The following AADACL3 variants were observed in gnomAD, a reference collection of about 807,000 sequenced individuals.
AADACL3 encodes arylacetamide deacetylase like 3.
Under a neutral mutation model 13.6 loss-of-function variants are expected in AADACL3, and 13 were observed. That is an observed-to-expected ratio of 0.95 (90% CI 0.62 to 1.52). The LOEUF is 1.52. AADACL3 is among the 40% of genes most tolerant of loss of function. The probability of loss-of-function intolerance (pLI) is 0.00; values close to 1 mark genes in which losing one functional copy is unlikely to be tolerated. For synonymous variants in AADACL3, 195 were observed against 197.0 expected (o/e 0.99, Z 0.08); for missense variants, 519 against 499.2 (o/e 1.04, Z -0.38).
At chr1:12,724,749 G>A (rs1336472177) in intron 3 of AADACL3, among the ~76,000 whole-genome samples, 2 of 152,192 alleles carry the variant, frequency 1.3e-5, no homozygotes, top group African/African-American at 2.4e-5. Flanking sequence ...GCCTCCCAAA[G>A]TGCTGAAATT....
At chr1:12,723,533 A>G (rs1188533205) in intron 3 of AADACL3, among the ~76,000 whole-genome samples, 1 of 152,166 alleles carries the variant, frequency 6.6e-6, no homozygotes, top group Non-Finnish European at 1.5e-5. Flanking sequence ...GCTGGAGTAC[A>G]GTGGTGCGAT....
At chr1:12,725,156 A>G (rs1204416485) in intron 3 of AADACL3, 66 bp from the exon 4 acceptor site, 47 of 1,496,968 alleles carry the variant, frequency 3.1e-5, no homozygotes, top group Non-Finnish European at 3.9e-5. Flanking sequence ...GGGCTAAAAG[A>G]TGCTAGACGC....
chr1:12,719,396 G>A, intron 1 of AADACL3, 79 bp from the exon 2 acceptor site: 2 of 1,363,992 alleles, frequency 1.5e-6, no homozygotes, highest in Non-Finnish European at 2.1e-6. Flanking sequence ...CACCTGTGGA[G>A]GGCAGGTTGT....
chr1:12,719,243 G>C (rs533007458), intron 1 of AADACL3, among the ~76,000 whole-genome samples: 1 of 152,324 alleles, frequency 6.6e-6, no homozygotes, highest in East Asian at 1.9e-4. Flanking sequence ...GGTGTCAGGA[G>C]AGTGGGTTGA....
chr1:12,716,815 G>C (rs1648446758), intron 1 of AADACL3, among the ~76,000 whole-genome samples: 1 of 152,172 alleles, frequency 6.6e-6, no homozygotes, highest in Non-Finnish European at 1.5e-5. Context: ...ATTTTCCTGA[G>C]TCTCTGGGCC....
chr1:12,719,497 G>A lies in AADACL3; in HGVS notation c.191G>A (p.Arg64Lys), dbSNP rs896528411. Residue 64 changes from arginine (R) to lysine (K), a missense_variant, in exon 2 of 4, where the codon AGA (arginine) becomes AAA (lysine). By Grantham distance (26) the Arg-to-Lys change is conservative. Coordinates refer to ENST00000359318, the MANE Select transcript of AADACL3 (RefSeq NM_001103170.3). ...CAGGGGATGATATTTGAGAAGCTCA[G>A]AATCTGTTCTATGCCCCAATTTTTC... ...LTWGMIFEKL[R>K]ICSMPQFFCF... 3.1e-6 allele frequency: 5 copies of A among 1,614,058 alleles called. No individual in the cohort carries two copies. In the African/African-American group the frequency reaches 4.0e-5, roughly 13 times the overall value.
rs1206228097 is a variant in AADACL3, at chr1:12,726,386, A to AAGGGCAT, written c.*391_*397dup. 4.5e-5 allele frequency: 9 copies of AAGGGCAT among 199,392 alleles called. No homozygotes were observed. The highest frequency in any genetic ancestry group is 2.1e-4 in the African/African-American group (9 of 42,792). The allele number at this position is 199,392 out of a possible 1,614,324, so 12.4% of individuals were successfully genotyped here. ...ATTTGACTTGACTTTGGAATAGCAC[A>AAGGGCAT]AGGGCATCATGTACTTCACGAGGCT... On this transcript the variant is annotated 3_prime_UTR_variant, in exon 4 of 4. Coordinates refer to ENST00000359318, the MANE Select transcript of AADACL3 (RefSeq NM_001103170.3).
intron 3 of AADACL3, among the ~76,000 whole-genome samples, chr1:12,722,326 GAAAAAAAAAAAA>G (rs564374343): frequency 1.4e-5 from 1 of 73,812 alleles, no homozygotes; most frequent in Non-Finnish European, 2.5e-5. Flanking sequence ...GATTCCGTCT[GAAAAAAAAAAAA>G]AAAAAAAAAA....
rs374354826 is a variant in AADACL3 at position 12,725,473 on chromosome 1, C to T, written c.701C>T (p.Ser234Leu). 14 of 1,613,852 alleles carry T rather than the reference C, an allele frequency of 8.7e-6. No homozygotes were observed. Among genetic ancestry groups the T allele is most frequent in the African/African-American group, 8.0e-5 (6 of 74,900 alleles). The change falls in exon 4 of 4, where the codon TCG becomes TTG. Residue 234 changes from serine (S) to leucine (L), a missense_variant. Physicochemically the swap from Ser to Leu is moderately radical, Grantham distance 145. Coordinates refer to ENST00000359318, the MANE Select transcript of AADACL3 (RefSeq NM_001103170.3). ...CAAGCCCTGGATTTACAAACCCCTT[C>T]GTTTCAACAGAGGAAAAACATCCCA... ...ILQALDLQTP[S>L]FQQRKNIPLL...
At chr1:12,722,264 T>TTACA (rs1367516488) in intron 3 of AADACL3, among the ~76,000 whole-genome samples, 1 of 146,916 alleles carries the variant, frequency 6.8e-6, no homozygotes, top group Non-Finnish European at 1.5e-5. Context: ...AAGGCAGAGG[T>TTACA]TACAGTGAGC....
intron 3 of AADACL3, among the ~76,000 whole-genome samples, chr1:12,724,406 G>A (rs185735155): frequency 6.6e-6 from 1 of 152,332 alleles, no homozygotes; most frequent in East Asian, 1.9e-4. Context: ...AACAGTAGTA[G>A]CCCAGGCTGG....
At chr1:12,720,823 G>T in intron 2 of AADACL3, 60 bp from the exon 3 acceptor site, 1 of 1,472,082 alleles carries the variant, frequency 6.8e-7, no homozygotes, top group Non-Finnish European at 9.4e-7. Context: ...GAAGAAGACG[G>T]TGACAATGGC....
Position 12,719,663 on chromosome 1 carries a change from C to T in AADACL3, c.357C>T (p.His119=), listed in dbSNP as rs777992875. ...TGAAGCCTGGCATCGTGTACTACCA[C>T]GGTGGCGGGGGCGTCATGGGGAGTT... is the stretch of plus-strand genomic sequence containing the variant. ...CTLKPGIVYY[H]GGGGVMGSLK... Residue 119 remains histidine (H), a synonymous_variant, in exon 2 of 4, where the codon CAC becomes CAT. Coordinates refer to ENST00000359318, the MANE Select transcript of AADACL3 (RefSeq NM_001103170.3). 38 of 1,613,982 alleles carry T rather than the reference C, an allele frequency of 2.4e-5. 1 individual carries two copies. The highest frequency in any genetic ancestry group is 2.3e-4 in the African/African-American group (17 of 74,910).
chr1:12,719,647 G>T lies in AADACL3; in HGVS notation c.341G>T (p.Gly114Val), dbSNP rs755553238. The T allele has an allele frequency of 1.1e-5, 17 of 1,614,172 alleles. No individual in the cohort carries two copies. Among genetic ancestry groups the T allele is most frequent in the Non-Finnish European group, 1.4e-5 (17 of 1,180,028 alleles). ...PKASTCTLKPGIVYYHGGGGV... is the reference protein window; with the variant it reads ...PKASTCTLKPVIVYYHGGGGV... ...GCATCCACCTGCACCCTGAAGCCTGGCATCGTGTACTACCACGGTGGCGGG... is the reference window on the plus strand; with the variant it reads ...GCATCCACCTGCACCCTGAAGCCTGTCATCGTGTACTACCACGGTGGCGGG... The change falls in exon 2 of 4, where the codon GGC (glycine) becomes GTC (valine). Residue 114 changes from glycine to valine, a missense_variant. Transcript: ENST00000359318.
chr1:12,718,029 C>T (rs1310493938), intron 1 of AADACL3, among the ~76,000 whole-genome samples: 2 of 152,066 alleles, frequency 1.3e-5, no homozygotes, highest in African/African-American at 2.4e-5. Context: ...TTTGCATTGC[C>T]TATTAGATAT....
Position 12,719,502 on chromosome 1 carries a change from T to C in AADACL3, c.196T>C (p.Cys66Arg). ...WGMIFEKLRI[C>R]SMPQFFCFMQ... ...GATGATATTTGAGAAGCTCAGAATC[T>C]GTTCTATGCCCCAATTTTTCTGTTT... The change falls in exon 2 of 4, where the codon TGT becomes CGT. Residue 66 changes from cysteine (C) to arginine (R), a missense_variant. Transcript: ENST00000359318. 6.2e-7 allele frequency: 1 copy of C among 1,614,136 alleles called. No individual in the cohort carries two copies. The highest frequency in any genetic ancestry group is 8.5e-7 in the Non-Finnish European group (1 of 1,179,958).
At chr1:12,718,565 C>T (rs560617632) in intron 1 of AADACL3, among the ~76,000 whole-genome samples, 98 of 152,130 alleles carry the variant, frequency 6.4e-4, no homozygotes, top group African/African-American at 2.3e-3. Context: ...GGCATGATCT[C>T]GGCTTACTGC....
At chr1:12,723,728 C>T (rs998311955) in intron 3 of AADACL3, among the ~76,000 whole-genome samples, 21 of 152,108 alleles carry the variant, frequency 1.4e-4, no homozygotes, top group Non-Finnish European at 2.8e-4. Context: ...ATTCATCTGC[C>T]TTGGCCTCCC....
At chr1:12,722,350 T>A (rs1159605327) in intron 3 of AADACL3, among the ~76,000 whole-genome samples, 3,789 of 50,512 alleles carry the variant, frequency 0.075, 90 homozygotes, top group African/African-American at 0.15. Context: ...AAAAAAAAAA[T>A]GGAAAAGAAA....
Sources: allele counts gnomAD v4.1 joint callset (sites outside exome capture counted in the v4.1 genomes callset), GRCh38; gene constraint gnomAD v4.1.1; transcripts MANE v1.5; gene names NCBI Gene and HGNC (gene_info 2026-07-23, HGNC 2026-07-21).